PPARGC1A: variants seen among roughly 807,000 people sequenced by gnomAD.
PPARGC1A encodes the protein PPARG coactivator 1 alpha.
Under a neutral mutation model 88.7 loss-of-function variants are expected in PPARGC1A, and 25 were observed. That is an observed-to-expected ratio of 0.28 (90% CI 0.21 to 0.39). The LOEUF is 0.39. PPARGC1A is among the 10% of genes least tolerant of loss of function. The probability of loss-of-function intolerance (pLI) is 1.00; values close to 1 mark genes in which losing one functional copy is unlikely to be tolerated. For missense variants in PPARGC1A, 880 were observed against 968.7 expected, an observed-to-expected ratio of 0.91 and a Z score of 1.22; for synonymous variants, 363 against 355.6, an observed-to-expected ratio of 1.02 and a Z score of -0.24.
the PPARGC1A span, among the ~76,000 whole-genome samples, chr4:24,213,395 T>G: frequency 6.6e-6 from 1 of 152,096 alleles, no homozygotes. Flanking sequence ...CTCGATCTCC[T>G]GACCTCGTGA....
chr4:24,060,803 G>A, the PPARGC1A span, among the ~76,000 whole-genome samples: 4 of 152,132 alleles, frequency 2.6e-5, no homozygotes, highest in East Asian at 1.9e-4. Flanking sequence ...CACTGGGCAC[G>A]TATTAGTAAA....
chr4:23,827,106 A>C (rs1270959480), intron 5 of PPARGC1A, among the ~76,000 whole-genome samples: 1 of 152,170 alleles, frequency 6.6e-6, no homozygotes, highest in Non-Finnish European at 1.5e-5. Flanking sequence ...CTTATGAGGA[A>C]GATCCAGCTG....
the PPARGC1A span, among the ~76,000 whole-genome samples, chr4:23,998,179 G>A: frequency 1.3e-5 from 2 of 152,188 alleles, no homozygotes; most frequent in African/African-American, 4.8e-5. Flanking sequence ...AATTCAAAGG[G>A]AATTTGCAAA....
chr4:24,252,049 G>A, the PPARGC1A span, among the ~76,000 whole-genome samples: 1 of 151,280 alleles, frequency 6.6e-6, no homozygotes, highest in Non-Finnish European at 1.5e-5. Flanking sequence ...CCTGTTATTC[G>A]AGATAACTTT....
intron 1 of PPARGC1A, among the ~76,000 whole-genome samples, chr4:23,898,393 C>T (rs921489162): frequency 1.3e-5 from 2 of 152,086 alleles, no homozygotes; most frequent in African/African-American, 4.8e-5. Context: ...GGAGGTTTTC[C>T]TTTAAGGTTG....
chr4:24,002,451 A>G, the PPARGC1A span, among the ~76,000 whole-genome samples: 1 of 152,114 alleles, frequency 6.6e-6, no homozygotes, highest in African/African-American at 2.4e-5. Flanking sequence ...TTAAAAATTC[A>G]GTTTGACCTG....
chr4:24,092,902 C>T, the PPARGC1A span, among the ~76,000 whole-genome samples: 439 of 152,318 alleles, frequency 2.9e-3, 4 homozygotes, highest in African/African-American at 0.01. Context: ...TTCCCGTGCT[C>T]GCAGAAGCGA....
the PPARGC1A span, among the ~76,000 whole-genome samples, chr4:24,063,262 G>A: frequency 3.8e-4 from 58 of 152,272 alleles, no homozygotes; most frequent in Middle Eastern, 6.8e-3. Context: ...ATCTAAACAG[G>A]CCAAGAGAGT....
At chr4:24,195,837 G>T in the PPARGC1A span, among the ~76,000 whole-genome samples, 1 of 152,062 alleles carries the variant, frequency 6.6e-6, no homozygotes, top group South Asian at 2.1e-4. Context: ...TGTAGTTAAG[G>T]TTCTGCTAAT....
the PPARGC1A span, among the ~76,000 whole-genome samples, chr4:24,399,949 C>A: frequency 4.6e-5 from 7 of 151,898 alleles, no homozygotes; most frequent in African/African-American, 1.7e-4. Context: ...CCACACCTGG[C>A]TAATTTTTGT....
chr4:24,182,944 C>T, the PPARGC1A span, among the ~76,000 whole-genome samples: 2 of 152,146 alleles, frequency 1.3e-5, no homozygotes, highest in African/African-American at 2.4e-5. Context: ...ACAGACAGTA[C>T]CTTTGCCCAC....
At chr4:23,831,898 T>C (rs1027963955) in intron 2 of PPARGC1A, 147 bp from the exon 3 acceptor site, 5 of 655,226 alleles carry the variant, frequency 7.6e-6, no homozygotes, top group Non-Finnish European at 1.3e-5. Context: ...TTTCTCAAAC[T>C]CCAAATTCAT....
At chr4:23,885,369 C>A (rs1276635359) in intron 1 of PPARGC1A, among the ~76,000 whole-genome samples, 1 of 152,122 alleles carries the variant, frequency 6.6e-6, no homozygotes, top group African/African-American at 2.4e-5. Flanking sequence ...TAAACTATTG[C>A]TAAATGGAAA....
chr4:23,968,288 G>T, the PPARGC1A span, among the ~76,000 whole-genome samples: 1 of 152,194 alleles, frequency 6.6e-6, no homozygotes, highest in African/African-American at 2.4e-5. Context: ...TATCTGTGAA[G>T]GGCTTCATAA....
the PPARGC1A span, among the ~76,000 whole-genome samples, chr4:24,025,372 G>T: frequency 2.6e-5 from 4 of 152,120 alleles, no homozygotes; most frequent in South Asian, 8.3e-4. Context: ...CACAGCTAAG[G>T]CCCTGGATTT....
At chr4:24,419,622 G>A in the PPARGC1A span, among the ~76,000 whole-genome samples, 2 of 151,634 alleles carry the variant, frequency 1.3e-5, no homozygotes, top group Admixed American at 1.3e-4. Flanking sequence ...CCACCTAGCG[G>A]CCAGGTGAGC....
chr4:24,203,096 T>A, the PPARGC1A span, among the ~76,000 whole-genome samples: 1 of 152,144 alleles, frequency 6.6e-6, no homozygotes, highest in Non-Finnish European at 1.5e-5. Flanking sequence ...GGAATCATTA[T>A]CAATTTAACA....
the PPARGC1A span, among the ~76,000 whole-genome samples, chr4:24,102,843 A>C: frequency 6.6e-6 from 1 of 152,186 alleles, no homozygotes; most frequent in East Asian, 1.9e-4. Flanking sequence ...ACACTTGTAG[A>C]TACAACTTCC....
the PPARGC1A span, among the ~76,000 whole-genome samples, chr4:24,228,576 T>C: frequency 1.3e-5 from 2 of 152,066 alleles, no homozygotes. Flanking sequence ...GGATCATGCA[T>C]ATCCCAAACC....
Sources: allele counts gnomAD v4.1 joint callset (sites outside exome capture counted in the v4.1 genomes callset), GRCh38; gene constraint gnomAD v4.1.1; transcripts MANE v1.5; gene names NCBI Gene and HGNC (gene_info 2026-07-23, HGNC 2026-07-21).